Variants in AFF3 observed in about 807,000 individuals in gnomAD.
AFF3 encodes the protein AF4/FMR2 family member 3.
A neutral mutation model predicts 129.7 loss-of-function variants in AFF3; 32 were observed. That is an observed-to-expected ratio of 0.25 (90% CI 0.19 to 0.33). AFF3 has a LOEUF of 0.33. Among genes scored for constraint, AFF3 ranks in the 10% least tolerant of loss-of-function variants. The pLI is 1.00. For synonymous variants in AFF3, 644 were observed against 635.4 expected (o/e 1.01, Z -0.20); for missense variants, 1,373 against 1,592.0 (o/e 0.86, Z 2.34).
intron 4 of AFF3, among the ~76,000 whole-genome samples, chr2:100,020,965 C>T (rs771879423): frequency 6.6e-6 from 1 of 152,212 alleles, no homozygotes; most frequent in Non-Finnish European, 1.5e-5. Context: ...AATCTGGTAG[C>T]CCTGCTCATC....
In AFF3 at chr2:100,022,537, A is replaced by T. The variant is rs550342773; in HGVS notation, c.54-13605T>A. Among the ~76,000 whole-genome samples, 12 of 152,130 alleles carry T rather than the reference A, an allele frequency of 7.9e-5. No individual in the cohort carries two copies. The South Asian group carries it at 2.5e-3, about 32-fold the overall frequency. On this transcript the variant is annotated intron_variant, in intron 4 of 24. Coordinates refer to ENST00000672756, the MANE Select transcript of AFF3 (RefSeq NM_001386135.1). ...GAGATTCTCATGTCTCAGCCTCCCA[A>T]GTAGCTGGGATTACAGGCATGCGCC...
chr2:99,560,248 C>A, intron 21 of AFF3, 117 bp downstream of exon 21: 3 of 1,110,010 alleles, frequency 2.7e-6, no homozygotes, highest in South Asian at 2.8e-5. Flanking sequence ...ATTAGAACTG[C>A]TCTGGGGCTT....
intron 8 of AFF3, among the ~76,000 whole-genome samples, chr2:99,753,769 C>A (rs1032433486): frequency 3.9e-5 from 6 of 152,282 alleles, no homozygotes; most frequent in African/African-American, 1.2e-4. Context: ...TAGGCACATA[C>A]GCATTCTAGG....
At chr2:99,903,346 G>C (rs965722582) in intron 7 of AFF3, among the ~76,000 whole-genome samples, 1 of 152,128 alleles carries the variant, frequency 6.6e-6, no homozygotes, top group African/African-American at 2.4e-5. Context: ...TTGGAAAAGT[G>C]CTTGGCAACA....
intron 11 of AFF3, among the ~76,000 whole-genome samples, chr2:99,690,509 C>G (rs1231009886): frequency 6.6e-6 from 1 of 152,076 alleles, no homozygotes; most frequent in Non-Finnish European, 1.5e-5. Context: ...AGTTCATTGT[C>G]TATTAACTTT....
At position 99,578,334 on chromosome 2, in the gene AFF3, C is replaced by T. The variant is rs756936353; in HGVS notation, c.2911G>A (p.Asp971Asn). The T allele has an allele frequency of 9.4e-6, 15 of 1,599,966 alleles. No individual in the cohort carries two copies. Among genetic ancestry groups the T allele is most frequent in the South Asian group, 5.7e-5 (5 of 88,222 alleles). The change falls in exon 18 of 25, where the codon GAT becomes AAT. Residue 971 changes from aspartate to asparagine, a missense_variant. Physicochemically the swap from Asp to Asn is conservative, Grantham distance 23 (BLOSUM62 1). Coordinates refer to ENST00000672756, the MANE Select transcript of AFF3 (RefSeq NM_001386135.1). ...AAAAGCGTCTGAACTTACATATCAT[C>T]GAAGACAAGTTTCTGCCTCTTGCAG... Reference protein sequence around the residue: ...RDCKRQKLVFDDMPRSADYFM... With the variant: ...RDCKRQKLVFNDMPRSADYFM...
At chr2:99,778,934 C>T (rs1324968993) in intron 8 of AFF3, among the ~76,000 whole-genome samples, 4 of 141,942 alleles carry the variant, frequency 2.8e-5, no homozygotes, top group East Asian at 2.1e-4. Flanking sequence ...GTGTGTGTGG[C>T]GGGGTTGGCT....
At chr2:99,828,810 T>C (rs986689506) in intron 8 of AFF3, among the ~76,000 whole-genome samples, 3 of 152,202 alleles carry the variant, frequency 2.0e-5, no homozygotes, top group African/African-American at 2.4e-5. Flanking sequence ...GAGCCCTTCA[T>C]GCTAGGGATT....
chr2:100,078,392 T>C (rs1382630459), intron 4 of AFF3, among the ~76,000 whole-genome samples: 1 of 152,216 alleles, frequency 6.6e-6, no homozygotes, highest in African/African-American at 2.4e-5. Flanking sequence ...TTTATTTTTT[T>C]GAACCAAAAT....
At chr2:99,649,752 T>A (rs1186011257) in intron 12 of AFF3, 86 bp from the exon 13 acceptor site, 1 of 1,488,600 alleles carries the variant, frequency 6.7e-7, no homozygotes, top group African/African-American at 1.4e-5. Flanking sequence ...AAAAGACCCC[T>A]GCATTACACA....
intron 7 of AFF3, among the ~76,000 whole-genome samples, chr2:99,966,969 A>G (rs1455824968): frequency 6.6e-6 from 1 of 152,124 alleles, no homozygotes; most frequent in Non-Finnish European, 1.5e-5. Flanking sequence ...AACTTCATGA[A>G]AATTAATTCA....
At chr2:99,766,266 A>G (rs759954237) in intron 8 of AFF3, among the ~76,000 whole-genome samples, 5 of 152,240 alleles carry the variant, frequency 3.3e-5, no homozygotes, top group African/African-American at 4.8e-5. Flanking sequence ...CCGAAGGCAC[A>G]TGCCTTTCTC....
intron 8 of AFF3, among the ~76,000 whole-genome samples, chr2:99,814,477 T>C (rs936723948): frequency 2.0e-5 from 3 of 152,130 alleles, no homozygotes; most frequent in Admixed American, 6.5e-5. Flanking sequence ...CTGGGGAAGA[T>C]TGAAAGGGAG....
Position 99,947,028 on chromosome 2 carries a change from C to T in AFF3, c.873+59604G>A, listed in dbSNP as rs554634243. ...AAGCAGATATATTATTTGATTCGGT[C>T]GTTCATTAGGTAAATATTTATTCAA... On this transcript the variant is annotated intron_variant, in intron 7 of 24. Coordinates refer to ENST00000672756, the MANE Select transcript of AFF3 (RefSeq NM_001386135.1). Among the ~76,000 whole-genome samples, 25 of 152,188 alleles carry T rather than the reference C, an allele frequency of 1.6e-4. 1 individual carries two copies. Among genetic ancestry groups the T allele is most frequent in the East Asian group, 5.8e-4 (3 of 5,172 alleles).
At chr2:99,743,418 G>A (rs1486390778) in intron 10 of AFF3, among the ~76,000 whole-genome samples, 1 of 152,164 alleles carries the variant, frequency 6.6e-6, no homozygotes, top group Non-Finnish European at 1.5e-5. Flanking sequence ...TTGCTGGCTG[G>A]TCGTGAAACT....
intron 4 of AFF3, among the ~76,000 whole-genome samples, chr2:100,046,187 C>G (rs1448292859): frequency 6.6e-6 from 1 of 152,112 alleles, no homozygotes; most frequent in African/African-American, 2.4e-5. Context: ...TTAGCTGGTG[C>G]AGACAATGAT....
intron 8 of AFF3, among the ~76,000 whole-genome samples, chr2:99,803,754 A>G (rs1686135003): frequency 6.6e-6 from 1 of 152,228 alleles, no homozygotes; most frequent in Non-Finnish European, 1.5e-5. Context: ...ATGGAGCAGA[A>G]TAAAGAACCC....
At chr2:99,932,121 CCATGG>C (rs1696712204) in intron 7 of AFF3, among the ~76,000 whole-genome samples, 1 of 152,160 alleles carries the variant, frequency 6.6e-6, no homozygotes, top group Non-Finnish European at 1.5e-5. Context: ...AACCTGCAGC[CCATGG>C]ACGCATGCAG....
chr2:99,836,850 T>G (rs918556776), intron 8 of AFF3, among the ~76,000 whole-genome samples: 1 of 152,166 alleles, frequency 6.6e-6, no homozygotes, highest in African/African-American at 2.4e-5. Flanking sequence ...AAATATGGGT[T>G]GATGACGACA....
Sources: gnomAD v4.1 joint callset for allele counts (sites outside exome capture counted in the v4.1 genomes callset) on GRCh38, gnomAD v4.1.1 for gene constraint, MANE v1.5 for transcripts, NCBI Gene and HGNC (gene_info 2026-07-23, HGNC 2026-07-21) for gene names.